Variants in PCDH15 observed in about 807,000 individuals in gnomAD.
PCDH15 encodes protocadherin related 15.
Under a neutral mutation model 178.5 loss-of-function variants are expected in PCDH15, and 129 were observed. The observed-to-expected ratio is 0.72, with a 90% confidence interval of 0.63 to 0.84. PCDH15 has a LOEUF of 0.84. PCDH15 is among the 40% of genes least tolerant of loss of function. PCDH15 has a pLI of 0.00. For missense variants in PCDH15, 2,230 were observed against 2,099.9 expected, an observed-to-expected ratio of 1.06 and a Z score of -1.21; for synonymous variants, 800 against 732.0, an observed-to-expected ratio of 1.09 and a Z score of -1.50.
intron 5 of PCDH15, among the ~76,000 whole-genome samples, chr10:54,347,355 A>C (rs1178584525): frequency 6.6e-6 from 1 of 152,102 alleles, no homozygotes; most frequent in African/African-American, 2.4e-5. Flanking sequence ...CACACGCCAC[A>C]TCAGAAGATG....
chr10:55,507,165 G>C (rs993603530), intron 2 of PCDH15, among the ~76,000 whole-genome samples: 1 of 151,450 alleles, frequency 6.6e-6, no homozygotes, highest in Admixed American at 6.6e-5. Context: ...GGTTATAGTG[G>C]AGATTAAATG....
chr10:55,110,938 A>C (rs1357396946), intron 2 of PCDH15, among the ~76,000 whole-genome samples: 1 of 152,122 alleles, frequency 6.6e-6, no homozygotes, highest in Non-Finnish European at 1.5e-5. Flanking sequence ...CTAGTATATC[A>C]GTTTATATCC....
intron 1 of PCDH15, among the ~76,000 whole-genome samples, chr10:55,205,961 T>C (rs1840386989): frequency 6.6e-6 from 1 of 151,924 alleles, no homozygotes; most frequent in South Asian, 2.1e-4. Flanking sequence ...TTCTTAAAAC[T>C]ATCAGATCTG....
At chr10:54,385,789 C>G (rs1949846732) in intron 3 of PCDH15, among the ~76,000 whole-genome samples, 1 of 152,048 alleles carries the variant, frequency 6.6e-6, no homozygotes, top group Admixed American at 6.6e-5. Flanking sequence ...AAGATTCTTT[C>G]AGGTATTTTC....
chr10:53,909,367 C>T (rs2082906929), intron 25 of PCDH15, among the ~76,000 whole-genome samples: 1 of 152,144 alleles, frequency 6.6e-6, no homozygotes, highest in Admixed American at 6.5e-5. Context: ...AGTGTGAAAA[C>T]AGACTAATAC....
intron 2 of PCDH15, among the ~76,000 whole-genome samples, chr10:54,653,963 T>G (rs938932344): frequency 5.3e-5 from 8 of 152,360 alleles, no homozygotes; most frequent in Non-Finnish European, 4.4e-5. Context: ...ATTTATCACC[T>G]CATAAACTTG....
At chr10:54,434,570 C>T (rs1203227780) in intron 3 of PCDH15, among the ~76,000 whole-genome samples, 2 of 152,164 alleles carry the variant, frequency 1.3e-5, no homozygotes, top group Non-Finnish European at 2.9e-5. Context: ...TACCATATAG[C>T]AGAGGTGTGT....
At chr10:55,422,221 T>C (rs1838638651) in intron 2 of PCDH15, among the ~76,000 whole-genome samples, 1 of 151,878 alleles carries the variant, frequency 6.6e-6, no homozygotes, top group Admixed American at 6.6e-5. Flanking sequence ...ATAAAGTAGA[T>C]ATTCATTTGA....
chr10:53,909,967 T>C (rs1205027041), intron 25 of PCDH15, among the ~76,000 whole-genome samples: 1 of 152,150 alleles, frequency 6.6e-6, no homozygotes, highest in Non-Finnish European at 1.5e-5. Flanking sequence ...GAGTTCACCA[T>C]TGCTGCTGCT....
At chr10:54,425,465 C>T (rs944308442) in intron 3 of PCDH15, among the ~76,000 whole-genome samples, 1 of 152,098 alleles carries the variant, frequency 6.6e-6, no homozygotes, top group African/African-American at 2.4e-5. Context: ...ATTTCCAAGC[C>T]TCCTTAGCTG....
chr10:55,280,936 T>C (rs1318429840), intron 1 of PCDH15, among the ~76,000 whole-genome samples: 1 of 152,150 alleles, frequency 6.6e-6, no homozygotes, highest in Non-Finnish European at 1.5e-5. Context: ...ATTACTGAAC[T>C]GATTTTGAAG....
intron 3 of PCDH15, among the ~76,000 whole-genome samples, chr10:54,398,576 C>A (rs574776049): frequency 6.6e-6 from 1 of 151,952 alleles, no homozygotes; most frequent in Non-Finnish European, 1.5e-5. Context: ...ATCTTACCTT[C>A]AATTTTAGAC....
At chr10:55,041,277 C>T (rs749585115) in intron 2 of PCDH15, among the ~76,000 whole-genome samples, 5 of 151,958 alleles carry the variant, frequency 3.3e-5, no homozygotes, top group African/African-American at 1.2e-4. Flanking sequence ...GAAAATCTAG[C>T]TAAATTACTT....
intron 20 of PCDH15, among the ~76,000 whole-genome samples, chr10:54,013,703 T>C (rs1310858503): frequency 6.6e-6 from 1 of 151,982 alleles, no homozygotes; most frequent in African/African-American, 2.4e-5. Flanking sequence ...TATTTCAAAC[T>C]AATGAAAACA....
chr10:53,918,014 A>G (rs1000951172), intron 25 of PCDH15, among the ~76,000 whole-genome samples: 8 of 152,128 alleles, frequency 5.3e-5, no homozygotes, highest in Non-Finnish European at 8.8e-5. Flanking sequence ...AGCAGATGCC[A>G]GCACCACACT....
At chr10:54,949,358 A>G (rs977051644) in intron 2 of PCDH15, among the ~76,000 whole-genome samples, 2 of 151,750 alleles carry the variant, frequency 1.3e-5, no homozygotes, top group African/African-American at 2.4e-5. Flanking sequence ...CACTGATAAA[A>G]CCATTAGATC....
chr10:53,993,321 A>T (rs2091645605), intron 21 of PCDH15, among the ~76,000 whole-genome samples: 2 of 152,210 alleles, frequency 1.3e-5, no homozygotes, highest in Non-Finnish European at 1.5e-5. Context: ...CTATTCAATT[A>T]TTCAACAAAT....
At chr10:54,001,502 C>T (rs2092133443) in intron 20 of PCDH15, among the ~76,000 whole-genome samples, 2 of 151,870 alleles carry the variant, frequency 1.3e-5, no homozygotes, top group African/African-American at 4.8e-5. Context: ...TTGTTATCAG[C>T]TTAAATAAAG....
chr10:54,229,892 T>G (rs759757330), intron 9 of PCDH15, among the ~76,000 whole-genome samples: 4 of 152,218 alleles, frequency 2.6e-5, no homozygotes, highest in Non-Finnish European at 4.4e-5. Context: ...ATGAACCCTC[T>G]CATCTCCTTG....
Sources: gnomAD v4.1 joint callset for allele counts (sites outside exome capture counted in the v4.1 genomes callset) on GRCh38, gnomAD v4.1.1 for gene constraint, MANE v1.5 for transcripts, NCBI Gene and HGNC (gene_info 2026-07-23, HGNC 2026-07-21) for gene names.